The following RBFOX1 variants were observed in gnomAD, a reference collection of about 807,000 sequenced individuals.
The protein encoded by RBFOX1 is RNA binding fox-1 homolog 1.
Under a neutral mutation model 57.7 loss-of-function variants are expected in RBFOX1, and 8 were observed. The observed-to-expected ratio is 0.14, with a 90% CI of 0.08 to 0.25. The LOEUF is 0.25. Among genes scored for constraint, RBFOX1 ranks in the 10% least tolerant of loss-of-function variants. The probability of loss-of-function intolerance (pLI) is 1.00; values close to 1 mark genes in which losing one functional copy is unlikely to be tolerated. For missense variants in RBFOX1, 611 were observed against 548.5 expected (o/e 1.11, Z -1.14); for synonymous variants, 326 against 222.4 (o/e 1.47, Z -4.15).
At chr16:7,541,555 A>G (rs1347718275) in intron 5 of RBFOX1, among the ~76,000 whole-genome samples, 1 of 152,176 alleles carries the variant, frequency 6.6e-6, no homozygotes, top group Admixed American at 6.5e-5. Context: ...TTGCATTGAA[A>G]ATCCTGCTTA....
At chr16:6,974,070 T>C (rs2086210376) in intron 3 of RBFOX1, among the ~76,000 whole-genome samples, 1 of 152,164 alleles carries the variant, frequency 6.6e-6, no homozygotes, top group African/African-American at 2.4e-5. Flanking sequence ...GGATAATGGC[T>C]TCCAGCTGCA....
At chr16:5,612,194 T>C (rs1698176931) in intron 3 of RBFOX1, among the ~76,000 whole-genome samples, 1 of 133,676 alleles carries the variant, frequency 7.5e-6, no homozygotes, top group Admixed American at 8.0e-5. Flanking sequence ...CATCCATTCA[T>C]TCATTCTCCC....
At chr16:6,917,181 A>G (rs1005514594) in intron 3 of RBFOX1, among the ~76,000 whole-genome samples, 1 of 152,106 alleles carries the variant, frequency 6.6e-6, no homozygotes, top group African/African-American at 2.4e-5. Context: ...GAGCAGACTG[A>G]GTTTCTGTTC....
At chr16:6,496,681 C>G (rs543776957) in intron 2 of RBFOX1, among the ~76,000 whole-genome samples, 1 of 152,100 alleles carries the variant, frequency 6.6e-6, no homozygotes, top group Non-Finnish European at 1.5e-5. Flanking sequence ...GAGTATTGGC[C>G]GGGCACGGTG....
At chr16:6,958,237 T>G (rs537361901) in intron 3 of RBFOX1, among the ~76,000 whole-genome samples, 2 of 152,338 alleles carry the variant, frequency 1.3e-5, no homozygotes, top group East Asian at 3.9e-4. Context: ...TGCTGAGCCC[T>G]GCACGATGCA....
chr16:6,827,987 T>G (rs970817283), intron 3 of RBFOX1, among the ~76,000 whole-genome samples: 1 of 152,250 alleles, frequency 6.6e-6, no homozygotes, highest in Non-Finnish European at 1.5e-5. Flanking sequence ...AAATCTTGTC[T>G]GCTTTTTGCT....
At chr16:7,564,928 T>C (rs2091315087) in intron 5 of RBFOX1, among the ~76,000 whole-genome samples, 1 of 152,138 alleles carries the variant, frequency 6.6e-6, no homozygotes, top group African/African-American at 2.4e-5. Flanking sequence ...TGCAGGGAAA[T>C]GTGATGTATT....
At chr16:6,938,824 C>T (rs982755338) in intron 3 of RBFOX1, among the ~76,000 whole-genome samples, 4 of 152,060 alleles carry the variant, frequency 2.6e-5, no homozygotes, top group African/African-American at 4.8e-5. Context: ...CCCAGCTACT[C>T]GGTAGGCTGA....
At chr16:7,166,443 A>C (rs1199534258) in intron 4 of RBFOX1, among the ~76,000 whole-genome samples, 1 of 152,094 alleles carries the variant, frequency 6.6e-6, no homozygotes, top group African/African-American at 2.4e-5. Context: ...AATAAATGTG[A>C]TTCAGAGGGG....
chr16:7,102,136 G>C (rs897232672), intron 4 of RBFOX1, among the ~76,000 whole-genome samples: 2 of 152,172 alleles, frequency 1.3e-5, no homozygotes, highest in African/African-American at 4.8e-5. Flanking sequence ...CTACTTCTCT[G>C]TTAGAAAAGA....
At chr16:5,825,293 G>A (rs2055997488) in intron 3 of RBFOX1, among the ~76,000 whole-genome samples, 1 of 152,234 alleles carries the variant, frequency 6.6e-6, no homozygotes, top group African/African-American at 2.4e-5. Context: ...GTTCAGAGAT[G>A]TTCCCTGCCC....
At chr16:6,790,169 C>CTATTATTATTATTATTATTATTAT (rs71145294) in intron 3 of RBFOX1, among the ~76,000 whole-genome samples, 5 of 141,544 alleles carry the variant, frequency 3.5e-5, no homozygotes, top group East Asian at 4.1e-4. Flanking sequence ...TTATTTTATT[C>CTATTATTATTATTATTATTATTAT]TATTATTATT....
At chr16:7,460,326 A>G (rs2059302308) in intron 4 of RBFOX1, among the ~76,000 whole-genome samples, 1 of 143,510 alleles carries the variant, frequency 7.0e-6, no homozygotes, top group South Asian at 2.3e-4. Context: ...GACTTCTGGT[A>G]TTTCATTGGC....
chr16:6,860,185 T>A (rs1227710080), intron 3 of RBFOX1, among the ~76,000 whole-genome samples: 1 of 152,228 alleles, frequency 6.6e-6, no homozygotes, highest in East Asian at 1.9e-4. Context: ...TCATCTGCAA[T>A]AGCGGAAATG....
chr16:5,560,730 T>G (rs1455208315), intron 2 of RBFOX1, among the ~76,000 whole-genome samples: 4 of 152,226 alleles, frequency 2.6e-5, no homozygotes, highest in African/African-American at 4.8e-5. Context: ...GTTTGACTCT[T>G]GGACCTGCTA....
At chr16:6,555,540 A>T (rs529646063) in intron 2 of RBFOX1, among the ~76,000 whole-genome samples, 21 of 152,078 alleles carry the variant, frequency 1.4e-4, no homozygotes, top group Non-Finnish European at 2.5e-4. Flanking sequence ...TCTACTAAAA[A>T]ATACAAAAAA....
chr16:7,270,513 A>C lies in RBFOX1; in HGVS notation c.27+218415A>C, dbSNP rs187095730. ...CCTAACAATGATAAGGGAAGGTACC[A>C]TTGGGCAGTTTCAGACCTTCTTGCA... On this transcript the variant is annotated intron_variant, in intron 4 of 15. Transcript: ENST00000550418. Among the ~76,000 whole-genome samples the C allele has an allele frequency of 6.2e-3, 947 of 152,318 alleles. 5 individuals are homozygous for C. The highest frequency in any genetic ancestry group is 0.027 in the South Asian group (130 of 4,822).
intron 1 of RBFOX1, among the ~76,000 whole-genome samples, chr16:6,310,910 AAAAAAAAAAAG>A (rs939850599): frequency 4.4e-5 from 3 of 68,402 alleles, no homozygotes; most frequent in African/African-American, 7.5e-5. Context: ...TTAAAAAAAA[AAAAAAAAAAAG>A]AACAGAATCC....
chr16:6,714,533 A>T (rs1003981594), intron 3 of RBFOX1, among the ~76,000 whole-genome samples: 1 of 152,052 alleles, frequency 6.6e-6, no homozygotes, highest in African/African-American at 2.4e-5. Flanking sequence ...GGGTACTTAT[A>T]CTGCAAGTCT....
Sources: allele counts gnomAD v4.1 joint callset (sites outside exome capture counted in the v4.1 genomes callset), GRCh38; gene constraint gnomAD v4.1.1; transcripts MANE v1.5; gene names NCBI Gene and HGNC (gene_info 2026-07-23, HGNC 2026-07-21).